SVEP1: variants seen among roughly 807,000 people sequenced by gnomAD.
SVEP1 encodes the protein sushi, von Willebrand factor type A, EGF and pentraxin domain containing 1, also known as sushi, von Willebrand factor type A, EGF and pentraxin domain-containing protein 1.
A neutral mutation model predicts 367.3 loss-of-function variants in SVEP1; 164 were observed. That is an observed-to-expected ratio of 0.45 (90% confidence interval 0.39 to 0.51). The LOEUF is 0.51. Ranked by LOEUF, SVEP1 falls within the 20% of genes least tolerant of loss-of-function variation. The pLI, the probability that SVEP1 is intolerant of heterozygous loss-of-function variation, is 0.00. For missense variants in SVEP1, 4,117 were observed against 4,425.3 expected (o/e 0.93, Z 1.98); for synonymous variants, 1,666 against 1,611.6 (o/e 1.03, Z -0.81).
At chr9:110,443,306 T>C (rs1366962296) in intron 27 of SVEP1, 2 of 399,566 alleles carry the variant, frequency 5.0e-6, no homozygotes, top group Non-Finnish European at 8.8e-6. Flanking sequence ...TCAGCATGCT[T>C]CTTGGTAGTC....
chr9:110,391,595 A>C (rs1827656460), intron 40 of SVEP1, among the ~76,000 whole-genome samples: 1 of 152,064 alleles, frequency 6.6e-6, no homozygotes, highest in Non-Finnish European at 1.5e-5. Context: ...ACATTTGAAG[A>C]AGTATTAATA....
chr9:110,560,479 C>T (rs1355183859), intron 1 of SVEP1, among the ~76,000 whole-genome samples: 1 of 152,156 alleles, frequency 6.6e-6, no homozygotes, highest in Non-Finnish European at 1.5e-5. Context: ...CAAATTTTCT[C>T]TTTCATGCTT....
intron 42 of SVEP1, among the ~76,000 whole-genome samples, chr9:110,386,663 G>T (rs973329833): frequency 1.3e-5 from 2 of 152,120 alleles, no homozygotes; most frequent in Non-Finnish European, 2.9e-5. Flanking sequence ...CACAGGAAAT[G>T]ATGATGGCAT....
Position 110,367,751 on chromosome 9 carries a change from G to A in SVEP1, c.10695-1191C>T, listed in dbSNP as rs550455075. On this transcript the variant is annotated intron_variant, in intron 47 of 47. Transcript: ENST00000374469. ...AACTGGGACAGTGTACTATGTCTCC[G>A]GATACTGTATGGTGACATGTAAAAA... 5.9e-5 allele frequency among the ~76,000 whole-genome samples: 9 copies of A among 152,188 alleles called. No homozygotes were observed. The South Asian group carries it at 1.5e-3, about 25-fold the overall frequency.
intron 40 of SVEP1, among the ~76,000 whole-genome samples, chr9:110,391,641 T>C (rs189183503): frequency 9.1e-4 from 139 of 152,250 alleles, no homozygotes; most frequent in African/African-American, 3.3e-3. Context: ...AACATCCTGG[T>C]ATTAACTACA....
chr9:110,500,249 C>T (rs1340130088), intron 6 of SVEP1, among the ~76,000 whole-genome samples: 5 of 152,238 alleles, frequency 3.3e-5, no homozygotes, highest in East Asian at 3.9e-4. Context: ...CCCAGACCTC[C>T]TAGTCTACTT....
intron 6 of SVEP1, among the ~76,000 whole-genome samples, chr9:110,500,090 T>C (rs1189022459): frequency 6.6e-6 from 1 of 152,218 alleles, no homozygotes; most frequent in East Asian, 1.9e-4. Flanking sequence ...ACCATGCAAG[T>C]AAGTGGCAAA....
At chr9:110,436,796 T>A (rs1828436855) in intron 27 of SVEP1, among the ~76,000 whole-genome samples, 1 of 152,200 alleles carries the variant, frequency 6.6e-6, no homozygotes, top group Non-Finnish European at 1.5e-5. Flanking sequence ...AAATTAGGTG[T>A]TATTTTGCTT....
rs1165822901 is a variant in SVEP1, at chr9:110,374,525, CTG to C, written c.10600+841_10600+842del. Reference sequence around the variant, plus strand: ...ATTAGCAGGGTATGGCAGCAGGTGACTGTAATCCCAGCTACTCCAGAGGCTGA... The same window carrying C: ...ATTAGCAGGGTATGGCAGCAGGTGACTAATCCCAGCTACTCCAGAGGCTGA... On this transcript the variant is annotated intron_variant, in intron 46 of 47. Transcript: ENST00000374469. Among the ~76,000 whole-genome samples, 3 of 152,138 alleles carry C rather than the reference CTG, an allele frequency of 2.0e-5. No individual in the cohort carries two copies. The East Asian group carries it at 5.8e-4, about 29-fold the overall frequency.
In SVEP1 at chr9:110,406,781, T is replaced by C. The variant is rs753056938; in HGVS notation, c.8819A>G (p.Glu2940Gly). ...GTTGACTGGTTTACAGAGAGGAATC[T>C]CTGCATCCCAGTTGCCATCTGACTG... The part of the protein sequence containing the change: ...TCQSDGNWDA[E>G]IPLCKPVNCG... Residue 2940 changes from glutamate to glycine, a missense_variant, in exon 38 of 48, where the codon GAG becomes GGG. This residue lies in a region of SVEP1 where 1,765 missense variants were observed against 1,781.1 expected (regional missense o/e 0.99). Coordinates refer to ENST00000374469, the MANE Select transcript of SVEP1 (RefSeq NM_153366.4). The C allele has an allele frequency of 2.5e-6, 4 of 1,613,900 alleles. No individual in the cohort carries two copies. The South Asian group carries it at 4.4e-5, about 18-fold the overall frequency.
intron 18 of SVEP1, among the ~76,000 whole-genome samples, chr9:110,464,428 G>A (rs1046055982): frequency 3.3e-5 from 5 of 152,212 alleles, no homozygotes; most frequent in African/African-American, 1.2e-4. Context: ...ATAATTCAGA[G>A]TGTGTTTTGC....
At chr9:110,468,146 T>C (rs941952456) in intron 17 of SVEP1, among the ~76,000 whole-genome samples, 1 of 152,234 alleles carries the variant, frequency 6.6e-6, no homozygotes, top group Non-Finnish European at 1.5e-5. Context: ...AATGCCAGAA[T>C]GGCCTAACAC....
chr9:110,481,433 G>C lies in SVEP1; in HGVS notation c.2174C>G (p.Ser725Cys), dbSNP rs1053615075. 6.4e-7 allele frequency: 1 copy of C among 1,570,314 alleles called. No homozygotes were observed. The highest frequency in any genetic ancestry group is 8.6e-7 in the Non-Finnish European group (1 of 1,157,650). ...TCDIHIVIKGSPCEIPFTPVN... is the reference protein window; with the variant it reads ...TCDIHIVIKGCPCEIPFTPVN... ...AGGTGTGAATGGAATTTCACAGGGA[G>C]AACCTGTGTAAAAAAAATTGTACTA... Residue 725 changes from serine (S) to cysteine (C), a missense_variant, in exon 12 of 48, where the codon TCT (serine) becomes TGT (cysteine). Ser to Cys is a moderately radical substitution (Grantham distance 112). Around this residue, in one of 4 missense-constraint regions of SVEP1, gnomAD observed 2,174 missense variants for 2,494.3 expected, o/e 0.87. Coordinates refer to ENST00000374469, the MANE Select transcript of SVEP1 (RefSeq NM_153366.4).
intron 2 of SVEP1, among the ~76,000 whole-genome samples, chr9:110,547,481 G>A (rs1449105466): frequency 6.6e-6 from 1 of 152,158 alleles, no homozygotes; most frequent in Non-Finnish European, 1.5e-5. Context: ...AGACTGAGGT[G>A]GGAGGATCAC....
intron 39 of SVEP1, among the ~76,000 whole-genome samples, chr9:110,402,719 T>C (rs1827882774): frequency 6.6e-6 from 1 of 152,192 alleles, no homozygotes; most frequent in East Asian, 1.9e-4. Context: ...ATGGCAGAAC[T>C]CTGTCAGACA....
At chr9:110,529,774 C>T (rs1028808967) in intron 3 of SVEP1, among the ~76,000 whole-genome samples, 2 of 152,004 alleles carry the variant, frequency 1.3e-5, no homozygotes, top group African/African-American at 4.8e-5. Context: ...TTGGAGGAGT[C>T]TTTAGAGTCT....
intron 5 of SVEP1, among the ~76,000 whole-genome samples, chr9:110,506,838 G>A (rs2118763110): frequency 6.6e-6 from 1 of 152,224 alleles, no homozygotes; most frequent in African/African-American, 2.4e-5. Flanking sequence ...AACATAGGTG[G>A]AGGAGATGAA....
intron 28 of SVEP1, among the ~76,000 whole-genome samples, chr9:110,435,989 G>T (rs1350366799): frequency 6.6e-6 from 1 of 152,018 alleles, no homozygotes; most frequent in Non-Finnish European, 1.5e-5. Context: ...TAGCCACTAG[G>T]TCGTATGTTG....
At chr9:110,392,155 C>CTA (rs1564128257) in intron 40 of SVEP1, among the ~76,000 whole-genome samples, 4 of 126,578 alleles carry the variant, frequency 3.2e-5, no homozygotes, top group Admixed American at 1.7e-4. Context: ...ATATATATAT[C>CTA]TCTTCTCTCT....
Sources: gnomAD v4.1 joint callset for allele counts (sites outside exome capture counted in the v4.1 genomes callset) on GRCh38, gnomAD v4.1.1 for gene constraint, gnomAD v4.1.1 regional missense constraint, MANE v1.5 for transcripts, NCBI Gene and HGNC (gene_info 2026-07-23, HGNC 2026-07-21) for gene names.